Variants in TANC1 observed in about 807,000 individuals in gnomAD.
The protein encoded by TANC1 is tetratricopeptide repeat, ankyrin repeat and coiled-coil containing 1.
In TANC1, 77 loss-of-function variants were observed where a neutral mutation model predicts 149.7. The observed-to-expected ratio is 0.51, with a 90% CI of 0.43 to 0.62. The LOEUF (loss-of-function observed/expected upper bound fraction) is 0.62. TANC1 is among the 20% of genes least tolerant of loss of function. The pLI is 0.00. For missense variants in TANC1, 1,985 were observed against 2,321.8 expected, an observed-to-expected ratio of 0.85 and a Z score of 2.98; for synonymous variants, 854 against 925.0, an observed-to-expected ratio of 0.92 and a Z score of 1.39.
intron 2 of TANC1, among the ~76,000 whole-genome samples, chr2:159,058,818 T>A (rs765860941): frequency 8.3e-6 from 1 of 120,966 alleles, no homozygotes; most frequent in Non-Finnish European, 1.8e-5. Context: ...TAAGGTGTTT[T>A]GTTTGTTTGT....
intron 13 of TANC1, among the ~76,000 whole-genome samples, chr2:159,177,033 C>G (rs746652288): frequency 4.0e-5 from 6 of 150,826 alleles, no homozygotes; most frequent in Non-Finnish European, 7.4e-5. Context: ...CCTTGGCCTC[C>G]GGAGTAGCTG....
At chr2:159,038,327 T>C (rs918152412) in intron 2 of TANC1, among the ~76,000 whole-genome samples, 1 of 152,228 alleles carries the variant, frequency 6.6e-6, no homozygotes, top group Non-Finnish European at 1.5e-5. Context: ...CCTCTTTTCC[T>C]AATCAAATAC....
At chr2:159,211,913 AAGG>A (rs1342718725) in intron 19 of TANC1, among the ~76,000 whole-genome samples, 1 of 152,186 alleles carries the variant, frequency 6.6e-6, no homozygotes. Context: ...TGTGAAGGAA[AAGG>A]AGGACAGGGT....
intron 5 of TANC1, among the ~76,000 whole-genome samples, chr2:159,138,672 A>G (rs530716346): frequency 3.3e-5 from 5 of 152,294 alleles, no homozygotes; most frequent in Middle Eastern, 3.4e-3. Context: ...TCTGTTATCT[A>G]TATTTCCCTT....
intron 4 of TANC1, among the ~76,000 whole-genome samples, chr2:159,127,273 A>G (rs6719385): frequency 0.43 from 64,790 of 152,124 alleles, 14,146 homozygotes; most frequent in Admixed American, 0.53. Context: ...ATACCATCTC[A>G]TGTCAGTCGG....
intron 14 of TANC1, among the ~76,000 whole-genome samples, chr2:159,183,983 G>A (rs1000180149): frequency 6.6e-6 from 1 of 152,190 alleles, no homozygotes; most frequent in Non-Finnish European, 1.5e-5. Context: ...TGGTGCCAGT[G>A]ATAAGGTGTA....
intron 3 of TANC1, among the ~76,000 whole-genome samples, chr2:159,071,249 A>G (rs573577122): frequency 7.2e-5 from 11 of 152,352 alleles, no homozygotes; most frequent in Admixed American, 2.0e-4. Context: ...CAATTAAAAT[A>G]CAGAAAAAAT....
chr2:159,171,468 CA>C (rs143046969), intron 10 of TANC1, among the ~76,000 whole-genome samples: 2,706 of 151,758 alleles, frequency 0.018, 88 homozygotes, highest in African/African-American at 0.062. Flanking sequence ...CTCGTCTCTA[CA>C]AAAAATTCAC....
intron 20 of TANC1, among the ~76,000 whole-genome samples, chr2:159,218,074 T>TTTTTG (rs1322089424): frequency 8.5e-6 from 1 of 117,902 alleles, no homozygotes; most frequent in Non-Finnish European, 2.0e-5. Flanking sequence ...TTGTTTTTGG[T>TTTTTG]TTTTGTTTTG....
chr2:159,122,518 T>C (rs1241718204), intron 4 of TANC1, among the ~76,000 whole-genome samples: 1 of 152,184 alleles, frequency 6.6e-6, no homozygotes, highest in Non-Finnish European at 1.5e-5. Context: ...GACTGTCAAA[T>C]GCACAGTTGT....
chr2:159,089,558 C>G (rs79772760), intron 3 of TANC1, among the ~76,000 whole-genome samples: 84 of 152,294 alleles, frequency 5.5e-4, no homozygotes, highest in Non-Finnish European at 9.7e-4. Context: ...CCTCATGTCT[C>G]TCTTTCCCTC....
chr2:159,099,505 AAAAC>A (rs1001374009), intron 4 of TANC1, among the ~76,000 whole-genome samples: 5 of 150,614 alleles, frequency 3.3e-5, no homozygotes, highest in African/African-American at 1.2e-4. Context: ...ACCAAAAAAA[AAAAC>A]AAAACAAAAC....
chr2:159,034,496 A>G (rs2040026756), intron 2 of TANC1, among the ~76,000 whole-genome samples: 1 of 152,168 alleles, frequency 6.6e-6, no homozygotes, highest in Non-Finnish European at 1.5e-5. Context: ...ATCCCGTTTC[A>G]CTTTTTCTAG....
intron 3 of TANC1, among the ~76,000 whole-genome samples, chr2:159,094,594 G>GT (rs1463278316): frequency 1.3e-5 from 2 of 152,194 alleles, no homozygotes; most frequent in Non-Finnish European, 1.5e-5. Flanking sequence ...TCGCCAGACA[G>GT]TTGAAGGGAA....
intron 26 of TANC1, among the ~76,000 whole-genome samples, chr2:159,229,147 C>T (rs1559500741): frequency 6.6e-6 from 1 of 152,026 alleles, no homozygotes; most frequent in Admixed American, 6.5e-5. Context: ...GTGAAACTTA[C>T]TGCAACATGA....
rs2060249682 is a variant in TANC1 at position 159,229,931 on chromosome 2, T to C, written c.4505T>C (p.Val1502Ala). Reference protein sequence around the residue: ...QEGLQSKGRPVSPQSRAGIGK... With the variant: ...QEGLQSKGRPASPQSRAGIGK... ...GGGTTACAGTCCAAAGGAAGGCCGG[T>C]ATCGCCACAGAGCAGGGCAGGAATC... is the stretch of plus-strand genomic sequence containing the variant. The change falls in exon 27 of 27, where the codon GTA (valine) becomes GCA (alanine). Residue 1502 changes from valine to alanine, a missense_variant. Coordinates refer to ENST00000263635, the MANE Select transcript of TANC1 (RefSeq NM_033394.3). The C allele has an allele frequency of 6.2e-7, 1 of 1,613,954 alleles. No homozygotes were observed. The highest frequency in any genetic ancestry group is 8.5e-7 in the Non-Finnish European group (1 of 1,180,056).
intron 2 of TANC1, among the ~76,000 whole-genome samples, chr2:159,040,852 T>C (rs1188983813): frequency 1.3e-5 from 2 of 152,244 alleles, no homozygotes; most frequent in Admixed American, 1.3e-4. Context: ...TTCTGGTTTT[T>C]AGAATTTTCA....
At chr2:159,006,641 C>A (rs2037208585) in intron 2 of TANC1, among the ~76,000 whole-genome samples, 1 of 152,170 alleles carries the variant, frequency 6.6e-6, no homozygotes, top group Admixed American at 6.5e-5. Context: ...TTCTATACCC[C>A]TAGAGATCAT....
intron 14 of TANC1, among the ~76,000 whole-genome samples, chr2:159,181,443 G>A (rs969677568): frequency 1.3e-5 from 2 of 151,988 alleles, no homozygotes; most frequent in Non-Finnish European, 2.9e-5. Flanking sequence ...GACTACAGGC[G>A]CCCGCCACCT....
Sources: allele counts gnomAD v4.1 joint callset (sites outside exome capture counted in the v4.1 genomes callset), GRCh38; gene constraint gnomAD v4.1.1; transcripts MANE v1.5; gene names NCBI Gene and HGNC (gene_info 2026-07-23, HGNC 2026-07-21).